The following PTRH1 variants were observed in gnomAD, a reference collection of about 807,000 sequenced individuals.
PTRH1 encodes the protein peptidyl-tRNA hydrolase 1 homolog.
Under a neutral mutation model 15.7 loss-of-function variants are expected in PTRH1, and 13 were observed. That is an observed-to-expected ratio of 0.83 (90% CI 0.54 to 1.31). The LOEUF (loss-of-function observed/expected upper bound fraction) is 1.31. Ranked by LOEUF, PTRH1 falls within the 40% of genes most tolerant of loss-of-function variation. The pLI is 0.00. For missense variants in PTRH1, 319 were observed against 296.2 expected, an observed-to-expected ratio of 1.08 and a Z score of -0.56; for synonymous variants, 139 against 136.7, an observed-to-expected ratio of 1.02 and a Z score of -0.12.
At chr9:127,694,650 C>T (rs1031603276) in intron 2 of PTRH1, among the ~76,000 whole-genome samples, 1 of 151,832 alleles carries the variant, frequency 6.6e-6, no homozygotes, top group Admixed American at 6.6e-5. Context: ...GGTGTCATTC[C>T]GAGGTGGGTG....
Position 127,715,647 on chromosome 9 carries a change from C to A in PTRH1, c.-8G>T, listed in dbSNP as rs200545038. On this transcript the variant is annotated 5_prime_UTR_variant, in exon 1 of 5. Coordinates refer to ENST00000543175, the MANE Select transcript of PTRH1 (RefSeq NM_001002913.3). The surrounding 1 kb of genome is among the most constrained non-coding windows in gnomAD (Gnocchi z 5.8). ...AAAGCCGCCCGGCCTCATGCTGCCCCCATTCACTCCGACACCGCCCCCTGA... is the reference window on the plus strand; with the variant it reads ...AAAGCCGCCCGGCCTCATGCTGCCCACATTCACTCCGACACCGCCCCCTGA... The A allele has an allele frequency of 3.1e-6, 5 of 1,610,342 alleles. No homozygotes were observed. The highest frequency in any genetic ancestry group is 1.3e-5 in the African/African-American group (1 of 74,906).
At chr9:127,710,800 T>C, downstream of PTRH1, 2 of 1,545,860 alleles carry the variant, frequency 1.3e-6, no homozygotes, top group Non-Finnish European at 1.8e-6. Context: ...GCTTCATCCC[T>C]GGGGCTACGA....
chr9:127,706,507 C>G (rs114456640), intron 1 of PTRH1, among the ~76,000 whole-genome samples: 1,784 of 152,278 alleles, frequency 0.012, 48 homozygotes, highest in African/African-American at 0.041. Flanking sequence ...GGAACACAGG[C>G]AGGCACACAG....
intron 1 of PTRH1, chr9:127,706,842 C>T: frequency 1.6e-6 from 1 of 609,712 alleles, no homozygotes; most frequent in Non-Finnish European, 2.7e-6. Flanking sequence ...TGGCCTGGGA[C>T]TCCTGGGCCT....
chr9:127,703,754 T>G (rs1021218179), intron 1 of PTRH1, among the ~76,000 whole-genome samples: 2 of 152,196 alleles, frequency 1.3e-5, no homozygotes, highest in Non-Finnish European at 2.9e-5. Context: ...CCACTGGTAT[T>G]CTCAGCTGGT....
downstream of PTRH1, chr9:127,712,941 T>C: frequency 1.3e-6 from 2 of 1,590,062 alleles, no homozygotes; most frequent in Non-Finnish European, 1.7e-6. Flanking sequence ...CATTCAGCCA[T>C]GGGGACAGTG....
chr9:127,712,044 T>C, downstream of PTRH1: 2 of 1,514,096 alleles, frequency 1.3e-6, no homozygotes, highest in Non-Finnish European at 1.8e-6. Flanking sequence ...GGCCAGTGAC[T>C]TCCCCTCTCT....
Position 127,702,492 on chromosome 9 carries a change from G to C in PTRH1, c.206-7351C>G, listed in dbSNP as rs150615017. Among the ~76,000 whole-genome samples, 697 of 152,118 alleles carry C rather than the reference G, an allele frequency of 4.6e-3. 8 individuals are homozygous for C. Among genetic ancestry groups the C allele is most frequent in the South Asian group, 0.039 (187 of 4,812 alleles). The stretch of plus-strand genomic sequence containing the variant: ...ATCAAGGCTGCAGTGAACTGTGGTT[G>C]TGCCACTGCACTCCGGCCTGGGAGA... On this transcript the variant is annotated intron_variant, in intron 1 of 2. Transcript: ENST00000335223.
intron 1 of PTRH1, chr9:127,695,505 G>A (rs1483557958): frequency 1.5e-5 from 3 of 205,168 alleles, no homozygotes; most frequent in East Asian, 1.2e-4. Context: ...GAAGGAATGC[G>A]GAGGGCAGCC....
downstream of PTRH1, chr9:127,713,221 G>A (rs745344921): frequency 6.6e-6 from 10 of 1,515,416 alleles, no homozygotes; most frequent in Admixed American, 1.8e-4. Context: ...GGGTGCCAGG[G>A]GCCCCAGGGA....
Position 127,715,113 on chromosome 9 carries a change from G to A in PTRH1, c.178C>T (p.Leu60=), listed in dbSNP as rs1168985566. 2.0e-6 allele frequency: 3 copies of A among 1,534,216 alleles called. No homozygotes were observed. The highest frequency in any genetic ancestry group is 2.6e-6 in the Non-Finnish European group (3 of 1,146,088). The change falls in exon 2 of 5, where the codon CTG becomes TTG. Residue 60 remains leucine (L), a synonymous_variant. Coordinates refer to ENST00000543175, the MANE Select transcript of PTRH1 (RefSeq NM_001002913.3). This position sits in a 1 kb window ranked among gnomAD's most constrained non-coding sequence, Gnocchi z 5.8. ...MAVLGQLARR[L]GVAESWTRDR... is the part of the protein sequence containing the mutation. The stretch of plus-strand genomic sequence containing the variant: ...CGCGTCCAACTCTCCGCCACACCCA[G>A]CCGCCGCGCCAGCTGCCCCAGCACC...
At chr9:127,714,917 C>CCCCCCCCCACCCCCCCCCCCCAT in intron 2 of PTRH1, 58 bp downstream of exon 2, 1 of 799,012 alleles carries the variant, frequency 1.3e-6, no homozygotes, top group Non-Finnish European at 2.0e-6. Flanking sequence ...CTCTGGCCCC[C>CCCCCCCCCACCCCCCCCCCCCAT]GCGCCCCAAC....
At position 127,715,113 on chromosome 9, in the gene PTRH1, G is replaced by C; in HGVS notation, c.178C>G (p.Leu60Val). 2 of 1,534,336 alleles carry C rather than the reference G, an allele frequency of 1.3e-6. No homozygotes were observed. The highest frequency in any genetic ancestry group is 1.7e-6 in the Non-Finnish European group (2 of 1,146,080). ...CGCGTCCAACTCTCCGCCACACCCA[G>C]CCGCCGCGCCAGCTGCCCCAGCACC... ...MAVLGQLARRLGVAESWTRDR... is the reference protein window; with the variant it reads ...MAVLGQLARRVGVAESWTRDR... Residue 60 changes from leucine to valine, a missense_variant, in exon 2 of 5, where the codon CTG (leucine) becomes GTG (valine). Physicochemically the swap from Leu to Val is conservative, Grantham distance 32. Coordinates refer to ENST00000543175, the MANE Select transcript of PTRH1 (RefSeq NM_001002913.3). This position sits in a 1 kb window ranked among gnomAD's most constrained non-coding sequence, Gnocchi z 5.8.
chr9:127,715,314 G>T lies in PTRH1; in HGVS notation c.97-120C>A. 1 of 1,328,702 alleles carries T rather than the reference G, an allele frequency of 7.5e-7. No individual in the cohort carries two copies. Among genetic ancestry groups the T allele is most frequent in the Non-Finnish European group, 1.0e-6 (1 of 957,626 alleles). 82.3% of individuals were successfully genotyped at this position (1,328,702 alleles called of 1,614,324 possible). ...CAGAGCAACGCTGCAGTGGGGAAGG[G>T]GCGCGAAGAAGGGGCCCAGAAACCC... is the stretch of plus-strand genomic sequence containing the variant. On this transcript the variant is annotated intron_variant, in intron 1 of 4. Coordinates refer to ENST00000543175, the MANE Select transcript of PTRH1 (RefSeq NM_001002913.3). The surrounding 1 kb of genome is among the most constrained non-coding windows in gnomAD (Gnocchi z 5.8).
downstream of PTRH1, chr9:127,713,092 G>C (rs78968934): frequency 1.2e-6 from 2 of 1,613,388 alleles, no homozygotes; most frequent in African/African-American, 1.3e-5. Context: ...CCTACCAGCC[G>C]GGGGATCTAG....
chr9:127,714,038 C>T lies in PTRH1; in HGVS notation c.*62G>A, dbSNP rs893178147. On this transcript the variant is annotated 3_prime_UTR_variant, in exon 5 of 5. Coordinates refer to ENST00000543175, the MANE Select transcript of PTRH1 (RefSeq NM_001002913.3). ...GTAGATACCAAGGCTGGCGTGGCAG[C>T]TCTGTGGCAGTGGCTGGGTTGGTGG... 2 of 1,593,796 alleles carry T rather than the reference C, an allele frequency of 1.3e-6. No individual in the cohort carries two copies. The highest frequency in any genetic ancestry group is 1.3e-5 in the African/African-American group (1 of 74,662).
intron 2 of PTRH1, among the ~76,000 whole-genome samples, chr9:127,694,175 G>A (rs1842533848): frequency 6.6e-6 from 1 of 151,838 alleles, no homozygotes; most frequent in African/African-American, 2.4e-5. Context: ...CAAGCGATTG[G>A]CCTGCCTCAG....
At chr9:127,711,864 C>T (rs763746281), downstream of PTRH1, 5 of 1,583,936 alleles carry the variant, frequency 3.2e-6, no homozygotes, top group Non-Finnish European at 4.3e-6. Flanking sequence ...AGCAGCAGGA[C>T]ACCAAGGAGG....
Position 127,715,046 on chromosome 9 carries a change from C to G in PTRH1, c.245G>C (p.Gly82Ala). 1 of 1,525,672 alleles carries G rather than the reference C, an allele frequency of 6.6e-7. No individual in the cohort carries two copies. The highest frequency in any genetic ancestry group is 8.8e-7 in the Non-Finnish European group (1 of 1,142,518). The allele number at this position is 1,525,672 out of a possible 1,614,324, so 94.5% of individuals were successfully genotyped here. A position where few individuals can be genotyped will look rare whatever the true frequency, so the allele number is the denominator to read the frequency against. Residue 82 changes from glycine (G) to alanine (A), a missense_variant, in exon 2 of 5, where the codon GGG becomes GCG. By Grantham distance (60) the Gly-to-Ala change is moderately conservative. Transcript: ENST00000543175. The surrounding 1 kb of genome is among the most constrained non-coding windows in gnomAD (Gnocchi z 5.8). Reference protein sequence around the residue: ...CAADLALAPLGDAQLVLLRPR... With the variant: ...CAADLALAPLADAQLVLLRPR... ...CCGGAGCAGGACCAGTTGGGCATCC[C>G]CCAGCGGGGCCAGGGCGAGGTCGGC...
Sources: gnomAD v4.1 joint callset for allele counts (sites outside exome capture counted in the v4.1 genomes callset) on GRCh38, gnomAD v4.1.1 for gene constraint, Gnocchi (gnomAD v3.1) non-coding constraint, MANE v1.5 for transcripts, NCBI Gene and HGNC (gene_info 2026-07-23, HGNC 2026-07-21) for gene names.